The following ZFPM2 variants were observed in gnomAD, a reference collection of about 807,000 sequenced individuals.
The protein encoded by ZFPM2 is zinc finger protein ZFPM2.
A neutral mutation model predicts 98.6 loss-of-function variants in ZFPM2; 20 were observed. The ratio of observed to expected loss-of-function variants is 0.20; its 90% CI spans 0.14 to 0.29. The LOEUF is 0.29. Ranked by LOEUF, ZFPM2 falls within the 10% of genes least tolerant of loss-of-function variation. The pLI is 1.00. For missense variants in ZFPM2, 1,310 were observed against 1,388.6 expected (o/e 0.94, Z 0.90); for synonymous variants, 518 against 502.7 (o/e 1.03, Z -0.41).
At chr8:105,346,980 G>A (rs779437882) in intron 1 of ZFPM2, among the ~76,000 whole-genome samples, 3 of 152,158 alleles carry the variant, frequency 2.0e-5, no homozygotes, top group Non-Finnish European at 4.4e-5. Flanking sequence ...ACCAGATGTA[G>A]CCATAGGTAC....
At chr8:105,681,532 A>T (rs1207851638) in intron 5 of ZFPM2, among the ~76,000 whole-genome samples, 2 of 152,290 alleles carry the variant, frequency 1.3e-5, no homozygotes, top group East Asian at 3.9e-4. Context: ...GAAGAGTTTC[A>T]TCCTTTAATT....
At chr8:105,352,591 T>G (rs546713683) in intron 1 of ZFPM2, among the ~76,000 whole-genome samples, 1 of 152,146 alleles carries the variant, frequency 6.6e-6, no homozygotes, top group South Asian at 2.1e-4. Context: ...TTTACCGTTT[T>G]TTTTTTTTTA....
At chr8:105,424,490 A>G (rs1242499230) in intron 2 of ZFPM2, among the ~76,000 whole-genome samples, 1 of 152,214 alleles carries the variant, frequency 6.6e-6, no homozygotes. Context: ...AAGGAAAGAT[A>G]TATGGTGTAA....
At chr8:105,424,494 G>A (rs1180369780) in intron 2 of ZFPM2, among the ~76,000 whole-genome samples, 1 of 152,042 alleles carries the variant, frequency 6.6e-6, no homozygotes, top group Non-Finnish European at 1.5e-5. Flanking sequence ...AAAGATATAT[G>A]GTGTAACAAT....
chr8:105,688,403 T>C (rs1810793677), intron 5 of ZFPM2, among the ~76,000 whole-genome samples: 1 of 152,088 alleles, frequency 6.6e-6, no homozygotes, highest in Admixed American at 6.6e-5. Context: ...ATCAGGAAAA[T>C]TATTGTAGGT....
intron 5 of ZFPM2, among the ~76,000 whole-genome samples, chr8:105,648,853 C>T (rs1586173128): frequency 2.0e-5 from 3 of 152,234 alleles, no homozygotes; most frequent in Non-Finnish European, 1.5e-5. Flanking sequence ...ATTGACTTGG[C>T]AATGCGGGCT....
intron 4 of ZFPM2, among the ~76,000 whole-genome samples, chr8:105,574,763 G>A (rs1815428334): frequency 6.6e-6 from 1 of 151,048 alleles, no homozygotes; most frequent in South Asian, 2.1e-4. Context: ...GGAGCAGTAA[G>A]AGTCCCTCAG....
intron 5 of ZFPM2, among the ~76,000 whole-genome samples, chr8:105,644,398 C>T (rs191469376): frequency 2.0e-5 from 3 of 151,760 alleles, no homozygotes; most frequent in East Asian, 1.9e-4. Context: ...CTACCACACT[C>T]GGCTCTCTAT....
intron 5 of ZFPM2, among the ~76,000 whole-genome samples, chr8:105,694,708 T>C (rs1188097328): frequency 6.6e-6 from 1 of 152,192 alleles, no homozygotes; most frequent in African/African-American, 2.4e-5. Flanking sequence ...TTAAATGAAT[T>C]AAGTACATTA....
intron 4 of ZFPM2, among the ~76,000 whole-genome samples, chr8:105,597,958 G>A (rs1470051947): frequency 6.6e-6 from 1 of 151,840 alleles, no homozygotes; most frequent in Non-Finnish European, 1.5e-5. Flanking sequence ...AATTCTGCTG[G>A]GGATTGTTAT....
At chr8:105,334,193 G>A (rs1274168565) in intron 1 of ZFPM2, among the ~76,000 whole-genome samples, 2 of 148,134 alleles carry the variant, frequency 1.4e-5, no homozygotes, top group African/African-American at 5.0e-5. Context: ...AGAAAATCAG[G>A]TAATATTGCC....
At chr8:105,706,883 C>T (rs1202404473) in intron 5 of ZFPM2, among the ~76,000 whole-genome samples, 1 of 152,094 alleles carries the variant, frequency 6.6e-6, no homozygotes. Context: ...CCCTGCCCCT[C>T]TTGGTTTTAA....
At chr8:105,716,303 T>G (rs1488890652) in intron 5 of ZFPM2, among the ~76,000 whole-genome samples, 1 of 151,320 alleles carries the variant, frequency 6.6e-6, no homozygotes, top group Admixed American at 6.6e-5. Context: ...AATACTGCAT[T>G]TCAGAGCAAA....
intron 1 of ZFPM2, among the ~76,000 whole-genome samples, chr8:105,351,354 CGTGT>C (rs139105567): frequency 0.017 from 2,446 of 144,824 alleles, 71 homozygotes; most frequent in African/African-American, 0.06. Flanking sequence ...TGCATTATTT[CGTGT>C]GTGTGTGTGT....
rs1790178107 is a variant in ZFPM2, at chr8:105,584,548, C to T, written c.420+23067C>T. Among the ~76,000 whole-genome samples the T allele has an allele frequency of 3.3e-5, 5 of 152,098 alleles. No individual in the cohort carries two copies. The South Asian group carries it at 1.0e-3, about 32-fold the overall frequency. Reference sequence around the variant, plus strand: ...CTAAAGACAACCCACTGCTCCCAACCCTCTATCTCCTAGTACTTCACAGTC... The same window carrying T: ...CTAAAGACAACCCACTGCTCCCAACTCTCTATCTCCTAGTACTTCACAGTC... On this transcript the variant is annotated intron_variant, in intron 4 of 7. Transcript: ENST00000407775.
chr8:105,425,318 T>C (rs1263501326), intron 2 of ZFPM2, among the ~76,000 whole-genome samples: 2 of 152,166 alleles, frequency 1.3e-5, no homozygotes, highest in Admixed American at 6.5e-5. Context: ...AGCAGGAAAC[T>C]GAAACAGGTA....
chr8:105,495,391 A>G (rs2622636), intron 3 of ZFPM2, among the ~76,000 whole-genome samples: 37,372 of 152,170 alleles, frequency 0.25, 4,727 homozygotes, highest in South Asian at 0.31. Flanking sequence ...AACTTACAGT[A>G]TAATTTAAAA....
intron 5 of ZFPM2, among the ~76,000 whole-genome samples, chr8:105,685,244 A>G (rs1410503810): frequency 6.6e-6 from 1 of 152,084 alleles, no homozygotes; most frequent in Non-Finnish European, 1.5e-5. Context: ...TGAATTTTCA[A>G]TTTTAACTAA....
At chr8:105,592,915 T>G (rs978540642) in intron 4 of ZFPM2, among the ~76,000 whole-genome samples, 10 of 152,136 alleles carry the variant, frequency 6.6e-5, no homozygotes, top group African/African-American at 2.4e-4. Context: ...CATATCGAAA[T>G]TCTCTGATTT....
Sources: allele counts gnomAD v4.1 joint callset (sites outside exome capture counted in the v4.1 genomes callset), GRCh38; gene constraint gnomAD v4.1.1; transcripts MANE v1.5; gene names NCBI Gene and HGNC (gene_info 2026-07-23, HGNC 2026-07-21).